RIMBP2: variants seen among roughly 807,000 people sequenced by gnomAD.
The protein encoded by RIMBP2 is RIMS-binding protein 2.
A neutral mutation model predicts 118.6 loss-of-function variants in RIMBP2; 48 were observed. That is an observed-to-expected ratio of 0.40 (90% CI 0.32 to 0.51). RIMBP2 has a LOEUF of 0.51. Among genes scored for constraint, RIMBP2 ranks in the 20% least tolerant of loss-of-function variants. The pLI, the probability that RIMBP2 is intolerant of heterozygous loss-of-function variation, is 0.41. For missense variants in RIMBP2, 1,551 were observed against 1,768.3 expected (o/e 0.88, Z 2.20); for synonymous variants, 762 against 742.9 (o/e 1.03, Z -0.42).
At chr12:130,597,435 G>A (rs2059624962) in intron 2 of RIMBP2, among the ~76,000 whole-genome samples, 1 of 152,142 alleles carries the variant, frequency 6.6e-6, no homozygotes, top group African/African-American at 2.4e-5. Flanking sequence ...GTAGAGACGG[G>A]ATTTCACCAT....
rs945550124 is a variant in RIMBP2, at chr12:130,525,861, A to G, written c.-216-7944T>C. ...CTGCCATGTGGCAGACATTCTTGCT[A>G]TCCTGCTTGTCAAGGGAAGAAATTC... On this transcript the variant is annotated intron_variant, in intron 2 of 22. Coordinates refer to ENST00000690449, the MANE Select transcript of RIMBP2 (RefSeq NM_001393629.1). This position sits in a 1 kb window ranked among gnomAD's most constrained non-coding sequence, Gnocchi z 4.4. Among the ~76,000 whole-genome samples, 1 of 152,146 alleles carries G rather than the reference A, an allele frequency of 6.6e-6. No individual in the cohort carries two copies. Among genetic ancestry groups the G allele is most frequent in the African/African-American group, 2.4e-5 (1 of 41,428 alleles).
At chr12:130,438,973 G>T (rs553613771) in intron 11 of RIMBP2, among the ~76,000 whole-genome samples, 1 of 139,570 alleles carries the variant, frequency 7.2e-6, no homozygotes, top group Non-Finnish European at 1.5e-5. Flanking sequence ...CCCCCCGCCC[G>T]CCCCTCATCC....
At chr12:130,666,101 A>AT (rs1421998895) in intron 1 of RIMBP2, among the ~76,000 whole-genome samples, 13 of 152,134 alleles carry the variant, frequency 8.5e-5, no homozygotes, top group Non-Finnish European at 1.8e-4. Context: ...ATCTCTGCAC[A>AT]TTTTTTTGGT....
intron 5 of RIMBP2, among the ~76,000 whole-genome samples, chr12:130,473,826 ATCTGAGGGCAG>A (rs2081210563): frequency 6.6e-6 from 1 of 152,202 alleles, no homozygotes; most frequent in South Asian, 2.1e-4. Flanking sequence ...GAGGCCGACA[ATCTGAGGGCAG>A]CACAGCAAAT....
rs183203750 is a variant in RIMBP2, at chr12:130,700,445, T to G, written c.-352+15777A>C. Among the ~76,000 whole-genome samples, 134 of 152,080 alleles carry G rather than the reference T, an allele frequency of 8.8e-4. 1 individual carries two copies. Among genetic ancestry groups the G allele is most frequent in the Non-Finnish European group, 1.6e-3 (106 of 68,008 alleles). ...CACTTGGAAGTAGGGTTTTTGAAGA[T>G]GCAATTCTTAAGGTAGGAATTCAGA... is the stretch of plus-strand genomic sequence containing the variant. On this transcript the variant is annotated intron_variant, in intron 1 of 22. Transcript: ENST00000690449.
chr12:130,487,964 T>C (rs1201159979), intron 4 of RIMBP2, among the ~76,000 whole-genome samples: 4 of 152,192 alleles, frequency 2.6e-5, no homozygotes, highest in Admixed American at 2.6e-4. Context: ...TCTAATTCCA[T>C]GTAATTCTCA....
At position 130,431,367 on chromosome 12, in the gene RIMBP2, G is replaced by T; in HGVS notation, c.2254-3030C>A. 1 of 357,112 alleles carries T rather than the reference G, an allele frequency of 2.8e-6. No individual in the cohort carries two copies. Among genetic ancestry groups the T allele is most frequent in the Non-Finnish European group, 5.9e-6 (1 of 169,914 alleles). 22.1% of individuals were successfully genotyped at this position (357,112 alleles called of 1,614,324 possible). On this transcript the variant is annotated intron_variant, in intron 14 of 22. Transcript: ENST00000690449. This position sits in a 1 kb window ranked among gnomAD's most constrained non-coding sequence, Gnocchi z 4.0. ...ATGGTCAGGGAACACTTCCCGGGTT[G>T]TAAAACTGGCAGTCTGTGCACCAGC...
At chr12:130,700,709 G>A (rs2065816722) in intron 1 of RIMBP2, among the ~76,000 whole-genome samples, 1 of 152,208 alleles carries the variant, frequency 6.6e-6, no homozygotes, top group Non-Finnish European at 1.5e-5. Context: ...TTCAGAACTG[G>A]GAGGGAAGAG....
chr12:130,502,739 G>A (rs999325086), intron 4 of RIMBP2, among the ~76,000 whole-genome samples: 2 of 152,142 alleles, frequency 1.3e-5, no homozygotes, highest in African/African-American at 4.8e-5. Flanking sequence ...GAATGTTGAG[G>A]TCTATTTTGC....
rs2080606174 is a variant in RIMBP2 at position 130,467,632 on chromosome 12, CCT to C, written c.153+3059_153+3060del. Among the ~76,000 whole-genome samples, 3 of 152,200 alleles carry C rather than the reference CCT, an allele frequency of 2.0e-5. No homozygotes were observed. The South Asian group carries it at 6.2e-4, about 32-fold the overall frequency. ...ATTACTCTTTCTCTATTGCAACATC[CCT>C]GTCTTAATAAATTGGCTGTATCTAG... On this transcript the variant is annotated intron_variant, in intron 6 of 22. Transcript: ENST00000690449.
intron 4 of RIMBP2, among the ~76,000 whole-genome samples, chr12:130,483,435 G>GA: frequency 1.3e-5 from 2 of 152,302 alleles, no homozygotes; most frequent in Middle Eastern, 6.8e-3. Context: ...GGGAGAAACA[G>GA]AAAAAATAAA....
chr12:130,476,758 C>T lies in RIMBP2; in HGVS notation c.102+2154G>A, dbSNP rs558704558. 2.0e-5 allele frequency among the ~76,000 whole-genome samples: 3 copies of T among 152,364 alleles called. No individual in the cohort carries two copies. The East Asian group carries it at 5.8e-4, about 29-fold the overall frequency. ...CACCCCTTGCCATCATCTGGGCTTA[C>T]TCGCTTTTTCACTGACTTGTTCGTC... On this transcript the variant is annotated intron_variant, in intron 5 of 22. Coordinates refer to ENST00000690449, the MANE Select transcript of RIMBP2 (RefSeq NM_001393629.1).
intron 2 of RIMBP2, among the ~76,000 whole-genome samples, chr12:130,540,159 G>C (rs1262299913): frequency 6.6e-6 from 1 of 152,238 alleles, no homozygotes; most frequent in Non-Finnish European, 1.5e-5. Context: ...ATCAAAAGTT[G>C]ATGGAAACCA....
intron 1 of RIMBP2, among the ~76,000 whole-genome samples, chr12:130,679,439 C>T (rs182897792): frequency 5.3e-5 from 8 of 152,340 alleles, no homozygotes; most frequent in Non-Finnish European, 1.0e-4. Flanking sequence ...GTCTCACAAT[C>T]GCCTTTTTAA....
In RIMBP2 at chr12:130,587,839, A is replaced by AT. The variant is rs371838922; in HGVS notation, c.-217+40482_-217+40483insA. Among the ~76,000 whole-genome samples the AT allele has an allele frequency of 2.8e-4, 42 of 150,648 alleles. 1 individual carries two copies. The highest frequency in any genetic ancestry group is 9.8e-4 in the African/African-American group (40 of 40,924). On this transcript the variant is annotated intron_variant, in intron 2 of 22. Transcript: ENST00000690449. Reference sequence around the variant, plus strand: ...AAACTTAAAGTATAATAAAAAAAAAAAAAGAAAAAAAAAAGAAGAGATGGG... The same window carrying AT: ...AAACTTAAAGTATAATAAAAAAAAAATAAAGAAAAAAAAAAGAAGAGATGGG...
chr12:130,453,430 T>G (rs1313676564), intron 7 of RIMBP2, among the ~76,000 whole-genome samples: 1 of 152,206 alleles, frequency 6.6e-6, no homozygotes, highest in East Asian at 1.9e-4. Flanking sequence ...CTCAGGTCAG[T>G]GTGGGAAGAT....
chr12:130,406,563 T>G (rs2075193138), intron 20 of RIMBP2, among the ~76,000 whole-genome samples: 1 of 152,226 alleles, frequency 6.6e-6, no homozygotes, highest in African/African-American at 2.4e-5. Flanking sequence ...CCTGGAATAT[T>G]AGGGAAATGT....
Position 130,437,156 on chromosome 12 carries a change from C to T in RIMBP2, c.1792G>A (p.Val598Ile), listed in dbSNP as rs139344487. The T allele has an allele frequency of 1.1e-3, 1,712 of 1,586,756 alleles. 4 individuals carry two copies. Among genetic ancestry groups the T allele is most frequent in the Non-Finnish European group, 1.3e-3 (1,541 of 1,166,770 alleles). The change falls in exon 13 of 23, where the codon GTT (valine) becomes ATT (isoleucine). Residue 598 changes from valine (V) to isoleucine (I), a missense_variant. Physicochemically the swap from Val to Ile is conservative, Grantham distance 29. Around this residue, in one of 5 missense-constraint regions of RIMBP2, gnomAD observed 1,038 missense variants for 1,125.1 expected, o/e 0.92. Coordinates refer to ENST00000690449, the MANE Select transcript of RIMBP2 (RefSeq NM_001393629.1). Reference sequence around the variant, plus strand: ...GGAGGCACCAGGAGCTCGGGGGGAACGGCAGCAACTGCAGAGTCCACGGAC... The same window carrying T: ...GGAGGCACCAGGAGCTCGGGGGGAATGGCAGCAACTGCAGAGTCCACGGAC... Reference protein sequence around the residue: ...GESVDSAVAAVPPELLVPPTP... With the variant: ...GESVDSAVAAIPPELLVPPTP...
chr12:130,493,504 G>A (rs149345397), intron 4 of RIMBP2, among the ~76,000 whole-genome samples: 12,409 of 151,880 alleles, frequency 0.082, 755 homozygotes, highest in East Asian at 0.19. Flanking sequence ...TAGTAGAGAC[G>A]GGGTTTCAGC....
Sources: allele counts gnomAD v4.1 joint callset (sites outside exome capture counted in the v4.1 genomes callset), GRCh38; gene constraint gnomAD v4.1.1; regional missense constraint gnomAD v4.1.1; non-coding constraint Gnocchi (gnomAD v3.1); transcripts MANE v1.5; gene names NCBI Gene and HGNC (gene_info 2026-07-23, HGNC 2026-07-21).